The following ABTB3 variants were observed in gnomAD, a reference collection of about 807,000 sequenced individuals.
ABTB3 encodes ankyrin repeat- and BTB/POZ domain-containing protein 3.
At chr12:107,486,914 C>A in the ABTB3 span, among the ~76,000 whole-genome samples, 1 of 152,120 alleles carries the variant, frequency 6.6e-6, no homozygotes, top group African/African-American at 2.4e-5. Context: ...ACATAACTTT[C>A]TTACAGTCAC....
chr12:107,434,110 T>C, the ABTB3 span, among the ~76,000 whole-genome samples: 215 of 152,348 alleles, frequency 1.4e-3, 3 homozygotes, highest in Non-Finnish European at 5.0e-4. Flanking sequence ...CACAGGCATA[T>C]TTGAACACTG....
At chr12:107,590,698 C>T in the ABTB3 span, among the ~76,000 whole-genome samples, 1 of 152,178 alleles carries the variant, frequency 6.6e-6, no homozygotes, top group African/African-American at 2.4e-5. Flanking sequence ...ACATTTGGTA[C>T]TTATAGCAAC....
chr12:107,455,525 C>T, the ABTB3 span, among the ~76,000 whole-genome samples: 1 of 151,944 alleles, frequency 6.6e-6, no homozygotes, highest in Non-Finnish European at 1.5e-5. Context: ...TTCCTCCATG[C>T]CTATTCCAGT....
the ABTB3 span, among the ~76,000 whole-genome samples, chr12:107,339,049 G>T: frequency 6.6e-6 from 1 of 152,130 alleles, no homozygotes; most frequent in South Asian, 2.1e-4. Flanking sequence ...GGAAGTCCAT[G>T]GAATGTCCAC....
At chr12:107,338,804 AT>A in the ABTB3 span, among the ~76,000 whole-genome samples, 3 of 152,190 alleles carry the variant, frequency 2.0e-5, no homozygotes, top group African/African-American at 7.2e-5. Context: ...CACCCAGAGC[AT>A]TTTAATTAAT....
chr12:107,503,091 G>T, the ABTB3 span, among the ~76,000 whole-genome samples: 1 of 152,164 alleles, frequency 6.6e-6, no homozygotes, highest in Non-Finnish European at 1.5e-5. Context: ...TTGGTCAGGG[G>T]GCAGAAGGAA....
At chr12:107,501,370 G>A in the ABTB3 span, among the ~76,000 whole-genome samples, 1 of 144,782 alleles carries the variant, frequency 6.9e-6, no homozygotes, top group African/African-American at 2.6e-5. Context: ...TGAAGAACAG[G>A]TAGAGATGCT....
At chr12:107,469,954 T>TTC in the ABTB3 span, among the ~76,000 whole-genome samples, 25 of 66,078 alleles carry the variant, frequency 3.8e-4, 2 homozygotes, top group African/African-American at 1.1e-3. Context: ...CTTTCTTTCT[T>TTC]TCTTTCTTTC....
At chr12:107,346,085 A>C in the ABTB3 span, among the ~76,000 whole-genome samples, 1 of 152,200 alleles carries the variant, frequency 6.6e-6, no homozygotes, top group Non-Finnish European at 1.5e-5. Context: ...GGGGCTGTTG[A>C]GAGTGGCGTG....
the ABTB3 span, among the ~76,000 whole-genome samples, chr12:107,639,370 G>C: frequency 1.3e-5 from 2 of 152,176 alleles, no homozygotes; most frequent in South Asian, 4.1e-4. Flanking sequence ...ATCAGAGCTA[G>C]CTTTAGGAAG....
the ABTB3 span, chr12:107,657,661 G>T: frequency 6.2e-7 from 1 of 1,614,216 alleles, no homozygotes; most frequent in Non-Finnish European, 8.5e-7. Flanking sequence ...TACAGAGGAC[G>T]TTGGCCATCA....
chr12:107,562,750 C>T, the ABTB3 span, among the ~76,000 whole-genome samples: 1 of 152,248 alleles, frequency 6.6e-6, no homozygotes, highest in African/African-American at 2.4e-5. Context: ...TATCCTAAGT[C>T]TGCTCTCCTT....
At chr12:107,527,297 G>A in the ABTB3 span, among the ~76,000 whole-genome samples, 1 of 151,660 alleles carries the variant, frequency 6.6e-6, no homozygotes, top group Non-Finnish European at 1.5e-5. Flanking sequence ...TTGAGACGGA[G>A]TCTCACTGTT....
chr12:107,635,913 T>G, the ABTB3 span, among the ~76,000 whole-genome samples: 1 of 116,406 alleles, frequency 8.6e-6, no homozygotes, highest in East Asian at 2.8e-4. Flanking sequence ...CATAAAAACA[T>G]GAGGGGACAT....
At chr12:107,602,106 AG>A in the ABTB3 span, among the ~76,000 whole-genome samples, 1 of 152,350 alleles carries the variant, frequency 6.6e-6, no homozygotes, top group African/African-American at 2.4e-5. Flanking sequence ...AGAGACAAAA[AG>A]GAGGGCCACG....
the ABTB3 span, among the ~76,000 whole-genome samples, chr12:107,367,661 A>T: frequency 6.6e-6 from 1 of 151,982 alleles, no homozygotes; most frequent in Non-Finnish European, 1.5e-5. Context: ...GAACGGCACC[A>T]CCCTGGCTAA....
chr12:107,544,077 C>A, the ABTB3 span: 1 of 1,614,060 alleles, frequency 6.2e-7, no homozygotes, highest in Non-Finnish European at 8.5e-7. Context: ...TCATGCACTG[C>A]CCACAAATGG....
At chr12:107,421,776 A>G in the ABTB3 span, among the ~76,000 whole-genome samples, 1 of 152,176 alleles carries the variant, frequency 6.6e-6, no homozygotes, top group East Asian at 1.9e-4. Context: ...AAGACCATGG[A>G]TCTCATCCAA....
chr12:107,435,447 T>C, the ABTB3 span, among the ~76,000 whole-genome samples: 1 of 152,246 alleles, frequency 6.6e-6, no homozygotes, highest in African/African-American at 2.4e-5. Flanking sequence ...TTTGAAATGA[T>C]CTTTATTCAT....
Sources: gnomAD v4.1 joint callset for allele counts (sites outside exome capture counted in the v4.1 genomes callset) on GRCh38, gnomAD v4.1.1 for gene constraint, MANE v1.5 for transcripts, NCBI Gene and HGNC (gene_info 2026-07-23, HGNC 2026-07-21) for gene names.